CCDC172: variants seen among roughly 807,000 people sequenced by gnomAD.
CCDC172 encodes the protein coiled-coil domain-containing protein 172.
A neutral mutation model predicts 38.0 loss-of-function variants in CCDC172; 30 were observed. The ratio of observed to expected loss-of-function variants is 0.79; its 90% confidence interval spans 0.59 to 1.07. The LOEUF is 1.07. Among genes scored for constraint, CCDC172 ranks in the 50% least tolerant of loss-of-function variants. The pLI is 0.00. For missense variants in CCDC172, 297 were observed against 290.1 expected (o/e 1.02, Z -0.17); for synonymous variants, 78 against 88.3 (o/e 0.88, Z 0.66).
At chr10:116,336,060 G>A (rs940059381) in intron 3 of CCDC172, among the ~76,000 whole-genome samples, 1 of 151,928 alleles carries the variant, frequency 6.6e-6, no homozygotes, top group African/African-American at 2.4e-5. Flanking sequence ...CCAGCTACCC[G>A]GGAGGCTGAG....
At chr10:116,330,184 G>A (rs1844642882) in intron 3 of CCDC172, among the ~76,000 whole-genome samples, 1 of 152,076 alleles carries the variant, frequency 6.6e-6, no homozygotes, top group Non-Finnish European at 1.5e-5. Context: ...TTATTATTTT[G>A]CCAATGATAA....
chr10:116,331,769 T>G (rs1390554649), intron 3 of CCDC172, among the ~76,000 whole-genome samples: 1 of 152,160 alleles, frequency 6.6e-6, no homozygotes, highest in Non-Finnish European at 1.5e-5. Flanking sequence ...CATATTCCTT[T>G]GATAGAAAAG....
At chr10:116,374,206 GC>G (rs35616863) in intron 7 of CCDC172, among the ~76,000 whole-genome samples, 1 of 152,032 alleles carries the variant, frequency 6.6e-6, no homozygotes, top group African/African-American at 2.4e-5. Context: ...TTAATGATGA[GC>G]CCAAGTCACA....
intron 3 of CCDC172, among the ~76,000 whole-genome samples, chr10:116,330,196 A>G (rs1844643133): frequency 6.6e-6 from 1 of 152,222 alleles, no homozygotes; most frequent in Admixed American, 6.6e-5. Flanking sequence ...CAATGATAAT[A>G]TGCAAGCTTT....
chr10:116,379,324 C>T lies in CCDC172; in HGVS notation c.743C>T (p.Thr248Ile), dbSNP rs773566322. 4.5e-6 allele frequency: 7 copies of T among 1,571,676 alleles called. No homozygotes were observed. Among genetic ancestry groups the T allele is most frequent in the East Asian group, 2.3e-5 (1 of 43,122 alleles). ...LQTEIEFLELTLAQKDLQESK is the reference protein window; with the variant it reads ...LQTEIEFLELILAQKDLQESK ...GTAATTACTATGTTTTCTTTTCAGACATTGGCACAGAAAGATCTTCAGGAA... is the reference window on the plus strand; with the variant it reads ...GTAATTACTATGTTTTCTTTTCAGATATTGGCACAGAAAGATCTTCAGGAA... The change falls in exon 9 of 9, where the codon ACA (threonine) becomes ATA (isoleucine). Residue 248 changes from threonine to isoleucine, a missense_variant and splice_region_variant. Transcript: ENST00000333254.
intron 7 of CCDC172, among the ~76,000 whole-genome samples, chr10:116,365,938 C>T (rs948033583): frequency 5.3e-5 from 8 of 152,086 alleles, no homozygotes; most frequent in African/African-American, 1.9e-4. Context: ...GTCTGGTGTG[C>T]TATCCAATCT....
intron 3 of CCDC172, among the ~76,000 whole-genome samples, chr10:116,333,484 T>C (rs1386483793): frequency 6.6e-6 from 1 of 152,202 alleles, no homozygotes; most frequent in Non-Finnish European, 1.5e-5. Flanking sequence ...TGACATTTTA[T>C]AGTTCTTCCA....
intron 7 of CCDC172, among the ~76,000 whole-genome samples, chr10:116,366,338 G>A (rs540222729): frequency 6.6e-6 from 1 of 151,798 alleles, no homozygotes; most frequent in South Asian, 2.1e-4. Flanking sequence ...TGTGCATGTC[G>A]TTCTACAATG....
chr10:116,333,140 T>A (rs1347771665), intron 3 of CCDC172, among the ~76,000 whole-genome samples: 1 of 152,146 alleles, frequency 6.6e-6, no homozygotes, highest in Non-Finnish European at 1.5e-5. Context: ...CCTGTGCTCT[T>A]CACTGTAATC....
At chr10:116,366,197 C>T (rs575069101) in intron 7 of CCDC172, among the ~76,000 whole-genome samples, 1 of 152,082 alleles carries the variant, frequency 6.6e-6, no homozygotes, top group Non-Finnish European at 1.5e-5. Context: ...TAAATATGAG[C>T]TAAAAATAAT....
intron 3 of CCDC172, among the ~76,000 whole-genome samples, chr10:116,327,458 T>C (rs1263745109): frequency 6.6e-6 from 1 of 152,146 alleles, no homozygotes; most frequent in Non-Finnish European, 1.5e-5. Context: ...TGTTACTCTG[T>C]AATATTTTCT....
chr10:116,349,059 G>T (rs939214662), intron 5 of CCDC172, among the ~76,000 whole-genome samples: 2 of 151,974 alleles, frequency 1.3e-5, no homozygotes, highest in Non-Finnish European at 2.9e-5. Context: ...TTAGATTCTC[G>T]AACATAAACC....
chr10:116,375,294 C>CT (rs1321074038), intron 7 of CCDC172, among the ~76,000 whole-genome samples: 1 of 151,772 alleles, frequency 6.6e-6, no homozygotes. Flanking sequence ...AGAATATTTT[C>CT]TTTTTATTAT....
intron 7 of CCDC172, among the ~76,000 whole-genome samples, chr10:116,363,944 A>AT (rs1555180748): frequency 2.4e-4 from 37 of 151,040 alleles, no homozygotes; most frequent in African/African-American, 7.3e-4. Flanking sequence ...AAAAAAAAAA[A>AT]AAAAATAATA....
chr10:116,338,947 A>G (rs1313966914), intron 3 of CCDC172, among the ~76,000 whole-genome samples: 2 of 152,064 alleles, frequency 1.3e-5, no homozygotes, highest in Non-Finnish European at 2.9e-5. Context: ...GAAATACCTT[A>G]GTAGATTAAA....
chr10:116,332,648 T>A lies in CCDC172; in HGVS notation c.165+7260T>A, dbSNP rs1844679121. On this transcript the variant is annotated intron_variant, in intron 3 of 8. Coordinates refer to ENST00000333254, the MANE Select transcript of CCDC172 (RefSeq NM_198515.3). ...AAGTCAACCTGGTTTTTAAAAATCC[T>A]ATTTTAAGGTAACCTGTTAGGTTTT... 2.0e-5 allele frequency among the ~76,000 whole-genome samples: 3 copies of A among 152,146 alleles called. No individual in the cohort carries two copies. In the South Asian group the frequency reaches 6.2e-4, roughly 31 times the overall value.
intron 5 of CCDC172, among the ~76,000 whole-genome samples, chr10:116,353,084 T>C (rs1844951389): frequency 6.6e-6 from 1 of 151,946 alleles, no homozygotes; most frequent in Admixed American, 6.6e-5. Context: ...TCCCAGCTAC[T>C]CAGGAGTCTG....
chr10:116,343,040 T>C (rs1844815700), intron 5 of CCDC172, among the ~76,000 whole-genome samples: 2 of 152,086 alleles, frequency 1.3e-5, no homozygotes, highest in African/African-American at 4.8e-5. Context: ...CTAATACAAC[T>C]AGTATGTGGG....
intron 5 of CCDC172, among the ~76,000 whole-genome samples, chr10:116,356,099 G>A (rs1427360995): frequency 3.3e-5 from 5 of 152,026 alleles, no homozygotes; most frequent in East Asian, 1.9e-4. Flanking sequence ...TTGGGAGGCC[G>A]AGGCAGGCAG....
Sources: allele counts gnomAD v4.1 joint callset (sites outside exome capture counted in the v4.1 genomes callset), GRCh38; gene constraint gnomAD v4.1.1; transcripts MANE v1.5; gene names NCBI Gene and HGNC (gene_info 2026-07-23, HGNC 2026-07-21).